LUZP2: variants seen among roughly 807,000 people sequenced by gnomAD.
The protein encoded by LUZP2 is leucine zipper protein 2.
A neutral mutation model predicts 51.6 loss-of-function variants in LUZP2; 52 were observed. The observed-to-expected ratio is 1.01, with a 90% CI of 0.81 to 1.27. The LOEUF is 1.27. LUZP2 is among the 50% of genes most tolerant of loss of function. The pLI is 0.00. For synonymous variants in LUZP2, 154 were observed against 137.3 expected (o/e 1.12, Z -0.85); for missense variants, 436 against 395.4 (o/e 1.10, Z -0.87).
chr11:25,011,750 T>A (rs1856990979), intron 9 of LUZP2, among the ~76,000 whole-genome samples: 1 of 152,140 alleles, frequency 6.6e-6, no homozygotes, highest in Non-Finnish European at 1.5e-5. Flanking sequence ...CATGTGATAT[T>A]TTGTTGCAAA....
At chr11:24,965,969 C>G (rs1855570328) in intron 7 of LUZP2, among the ~76,000 whole-genome samples, 1 of 151,738 alleles carries the variant, frequency 6.6e-6, no homozygotes, top group Admixed American at 6.6e-5. Flanking sequence ...AATGCAATAA[C>G]TGTGACTCAT....
chr11:24,551,019 A>C (rs918306356), intron 1 of LUZP2, among the ~76,000 whole-genome samples: 3 of 152,174 alleles, frequency 2.0e-5, no homozygotes, highest in Non-Finnish European at 4.4e-5. Context: ...CTTGTATCTA[A>C]ATTTGGAGGT....
rs975824783 is a variant in LUZP2 at position 24,890,695 on chromosome 11, C to G, written c.397-15296C>G. Among the ~76,000 whole-genome samples the G allele has an allele frequency of 2.0e-5, 3 of 152,186 alleles. No homozygotes were observed. In the South Asian group the frequency reaches 6.2e-4, roughly 32 times the overall value. ...TGGTTGTTTGAGATAGTCACACAAT[C>G]TGGATTTATTCATCTTTATCCTGAG... is the stretch of plus-strand genomic sequence containing the variant. On this transcript the variant is annotated intron_variant, in intron 5 of 11. Coordinates refer to ENST00000336930, the MANE Select transcript of LUZP2 (RefSeq NM_001009909.4).
At chr11:24,499,948 C>T (rs1385238330) in intron 1 of LUZP2, among the ~76,000 whole-genome samples, 1 of 152,130 alleles carries the variant, frequency 6.6e-6, no homozygotes, top group East Asian at 1.9e-4. Flanking sequence ...CTAATGGTAT[C>T]TAGCCCACAG....
chr11:24,954,271 C>A (rs1855157105), intron 7 of LUZP2, among the ~76,000 whole-genome samples: 1 of 152,046 alleles, frequency 6.6e-6, no homozygotes, highest in Non-Finnish European at 1.5e-5. Context: ...TTTCTTCTAC[C>A]TCCCTATCTC....
At chr11:24,692,946 C>A (rs1295657301) in intron 1 of LUZP2, among the ~76,000 whole-genome samples, 1 of 151,736 alleles carries the variant, frequency 6.6e-6, no homozygotes, top group African/African-American at 2.4e-5. Flanking sequence ...TTTGACATTA[C>A]CTCATTTTTG....
At chr11:24,652,111 TTTG>T (rs1565054146) in intron 1 of LUZP2, among the ~76,000 whole-genome samples, 2 of 13,102 alleles carry the variant, frequency 1.5e-4, no homozygotes, top group Non-Finnish European at 1.5e-3. Context: ...TGTATATGTG[TTTG>T]TGTGTGTGTG....
At chr11:24,610,397 G>A (rs1854080207) in intron 1 of LUZP2, among the ~76,000 whole-genome samples, 2 of 152,126 alleles carry the variant, frequency 1.3e-5, no homozygotes, top group Admixed American at 1.3e-4. Flanking sequence ...TTTTGAGAGG[G>A]CCCAAATGTC....
intron 7 of LUZP2, among the ~76,000 whole-genome samples, chr11:24,931,932 T>C (rs370034258): frequency 6.6e-5 from 10 of 152,172 alleles, no homozygotes; most frequent in African/African-American, 2.2e-4. Context: ...GTTCAGATGA[T>C]TTTATCCCAT....
At chr11:24,666,853 A>T (rs918206128) in intron 1 of LUZP2, among the ~76,000 whole-genome samples, 2 of 152,222 alleles carry the variant, frequency 1.3e-5, no homozygotes, top group Non-Finnish European at 2.9e-5. Flanking sequence ...AAAAACCAGG[A>T]TCTTGCTGAA....
At chr11:24,923,015 A>AT (rs1298639893) in intron 7 of LUZP2, among the ~76,000 whole-genome samples, 1 of 151,054 alleles carries the variant, frequency 6.6e-6, no homozygotes, top group Non-Finnish European at 1.5e-5. Context: ...CGCCTAGCTA[A>AT]TTTTTTGTAT....
chr11:24,533,029 A>G (rs1439622871), intron 1 of LUZP2, among the ~76,000 whole-genome samples: 2 of 151,220 alleles, frequency 1.3e-5, no homozygotes, highest in South Asian at 2.1e-4. Flanking sequence ...CTTGAAAAAT[A>G]CTAACATCAC....
intron 8 of LUZP2, among the ~76,000 whole-genome samples, chr11:24,980,057 G>A (rs1855983129): frequency 6.6e-6 from 1 of 151,658 alleles, no homozygotes; most frequent in African/African-American, 2.4e-5. Flanking sequence ...TGACTTTCCC[G>A]GGCTCTCTGA....
chr11:25,050,931 A>G (rs189850966), intron 10 of LUZP2, among the ~76,000 whole-genome samples: 138 of 152,292 alleles, frequency 9.1e-4, no homozygotes, highest in Admixed American at 3.7e-3. Flanking sequence ...TTAAAAGTGC[A>G]ATGGAATTTT....
At chr11:24,963,732 C>G (rs189631838) in intron 7 of LUZP2, among the ~76,000 whole-genome samples, 1 of 152,284 alleles carries the variant, frequency 6.6e-6, no homozygotes, top group East Asian at 1.9e-4. Flanking sequence ...TGAGGCAATG[C>G]CTCACCCTGC....
chr11:25,046,109 AG>A (rs1404053998), intron 9 of LUZP2, among the ~76,000 whole-genome samples: 15 of 152,222 alleles, frequency 9.9e-5, no homozygotes, highest in African/African-American at 3.1e-4. Flanking sequence ...CTAAGTTCCA[AG>A]GCTTCTAATG....
At chr11:24,826,999 A>G (rs1159329964) in intron 5 of LUZP2, among the ~76,000 whole-genome samples, 1 of 152,176 alleles carries the variant, frequency 6.6e-6, no homozygotes, top group Non-Finnish European at 1.5e-5. Context: ...AATCCTTTTC[A>G]ATAAAATTAT....
chr11:24,755,541 T>C (rs1271248675), intron 4 of LUZP2, among the ~76,000 whole-genome samples: 1 of 152,204 alleles, frequency 6.6e-6, no homozygotes, highest in African/African-American at 2.4e-5. Context: ...TGCTTTTCTC[T>C]TATTAGTTTC....
At chr11:24,589,775 C>CTGTT (rs1373506223) in intron 1 of LUZP2, among the ~76,000 whole-genome samples, 1 of 152,070 alleles carries the variant, frequency 6.6e-6, no homozygotes, top group African/African-American at 2.4e-5. Flanking sequence ...TGACCTTGAC[C>CTGTT]TGTTGCCTCA....
Sources: gnomAD v4.1 joint callset for allele counts (sites outside exome capture counted in the v4.1 genomes callset) on GRCh38, gnomAD v4.1.1 for gene constraint, MANE v1.5 for transcripts, NCBI Gene and HGNC (gene_info 2026-07-23, HGNC 2026-07-21) for gene names.